Variants in CMC1 observed in about 807,000 individuals in gnomAD.
CMC1 encodes the protein COX assembly mitochondrial protein homolog.
A neutral mutation model predicts 14.1 loss-of-function variants in CMC1; 14 were observed. The observed-to-expected ratio is 0.99, with a 90% CI of 0.66 to 1.55. The LOEUF is 1.55. Among genes scored for constraint, CMC1 ranks in the 40% most tolerant of loss-of-function variants. CMC1 has a pLI of 0.00. For synonymous variants in CMC1, 50 were observed against 38.4 expected (o/e 1.30, Z -1.12); for missense variants, 127 against 123.8 (o/e 1.03, Z -0.12).
At chr3:28,295,105 G>A (rs1222253346) in intron 2 of CMC1, among the ~76,000 whole-genome samples, 5 of 152,006 alleles carry the variant, frequency 3.3e-5, no homozygotes, top group Admixed American at 3.3e-4. Context: ...TCATTTTAAC[G>A]TGAGCTCGTT....
chr3:28,247,304 G>T (rs867795818), intron 1 of CMC1, among the ~76,000 whole-genome samples: 1 of 151,780 alleles, frequency 6.6e-6, no homozygotes, highest in African/African-American at 2.4e-5. Context: ...TTTATTAATA[G>T]ATTGCCTTTA....
chr3:28,262,907 C>T (rs1362850465), intron 1 of CMC1, among the ~76,000 whole-genome samples: 1 of 152,186 alleles, frequency 6.6e-6, no homozygotes, highest in East Asian at 1.9e-4. Flanking sequence ...TTGTGTGTCT[C>T]TTAATCTTGT....
intron 2 of CMC1, among the ~76,000 whole-genome samples, chr3:28,274,220 C>CTTTTCT (rs1553615941): frequency 8.9e-6 from 1 of 112,326 alleles, no homozygotes; most frequent in African/African-American, 3.3e-5. Context: ...TTGTTTTTTT[C>CTTTTCT]TTTTTTTTTT....
intron 2 of CMC1, among the ~76,000 whole-genome samples, chr3:28,279,887 C>T (rs187035992): frequency 1.3e-4 from 20 of 152,302 alleles, no homozygotes; most frequent in African/African-American, 4.3e-4. Context: ...TCACAAAACA[C>T]ACATCTGCCC....
intron 2 of CMC1, among the ~76,000 whole-genome samples, chr3:28,300,896 A>C: frequency 6.6e-6 from 1 of 150,614 alleles, no homozygotes; most frequent in African/African-American, 2.4e-5. Context: ...TTTCATAGCC[A>C]TTATGTACTT....
intron 2 of CMC1, among the ~76,000 whole-genome samples, chr3:28,275,759 C>T (rs1418657734): frequency 2.6e-5 from 4 of 152,118 alleles, no homozygotes; most frequent in Admixed American, 2.6e-4. Context: ...CGCCCTTGCC[C>T]CCAGGGTCTC....
chr3:28,271,294 T>A (rs186392186), intron 2 of CMC1, among the ~76,000 whole-genome samples: 1 of 152,178 alleles, frequency 6.6e-6, no homozygotes, highest in Non-Finnish European at 1.5e-5. Context: ...GGGATGGTGT[T>A]TCACCATATT....
intron 2 of CMC1, among the ~76,000 whole-genome samples, chr3:28,286,028 G>A (rs561568953): frequency 6.6e-6 from 1 of 152,160 alleles, no homozygotes; most frequent in African/African-American, 2.4e-5. Flanking sequence ...GCCTCCCAAA[G>A]TGCTGGGATT....
At chr3:28,286,521 A>G (rs1342111987) in intron 2 of CMC1, among the ~76,000 whole-genome samples, 3 of 152,196 alleles carry the variant, frequency 2.0e-5, no homozygotes, top group Non-Finnish European at 2.9e-5. Context: ...GAGAGTGTTA[A>G]TATTCACATA....
In CMC1 at chr3:28,261,316, C is replaced by T. The variant is rs542305927; in HGVS notation, c.20-1975C>T. 3.3e-5 allele frequency among the ~76,000 whole-genome samples: 5 copies of T among 152,136 alleles called. No individual in the cohort carries two copies. The East Asian group carries it at 7.7e-4, about 24-fold the overall frequency. ...GTTACCAAGAATAGAATCTGATTTC[C>T]TTCCACCTGAGTGTGGGCTATCCTT... On this transcript the variant is annotated intron_variant, in intron 1 of 3. Transcript: ENST00000466830.
rs558641415 is a variant in CMC1 at position 28,316,445 on chromosome 3, T to G, written c.200+22T>G. On this transcript the variant is annotated intron_variant, in intron 3 of 3. Coordinates refer to ENST00000466830, the MANE Select transcript of CMC1 (RefSeq NM_182523.2). The stretch of plus-strand genomic sequence containing the variant: ...CTTAGTAAGTAGTTGTCTCAGCGTT[T>G]GTGCTTGTATGTGTATTTGTGGTAG... The G allele has an allele frequency of 5.0e-5, 66 of 1,313,566 alleles. No homozygotes were observed. In the South Asian group the frequency reaches 7.7e-4, roughly 15 times the overall value. 81.4% of individuals were successfully genotyped at this position (1,313,566 alleles called of 1,614,324 possible). A position where few individuals can be genotyped will look rare whatever the true frequency, so the allele number is the denominator to read the frequency against.
At chr3:28,259,432 G>A (rs1443008722) in intron 1 of CMC1, among the ~76,000 whole-genome samples, 1 of 152,120 alleles carries the variant, frequency 6.6e-6, no homozygotes, top group Non-Finnish European at 1.5e-5. Flanking sequence ...TCAAAAAAGG[G>A]TCCTTTTAGG....
At chr3:28,312,727 A>G (rs898043592) in intron 2 of CMC1, among the ~76,000 whole-genome samples, 1 of 152,236 alleles carries the variant, frequency 6.6e-6, no homozygotes, top group Non-Finnish European at 1.5e-5. Context: ...TTAATTATAT[A>G]GACTACTTGT....
At chr3:28,313,273 T>C (rs1173653430) in intron 2 of CMC1, among the ~76,000 whole-genome samples, 3 of 152,220 alleles carry the variant, frequency 2.0e-5, no homozygotes, top group Non-Finnish European at 4.4e-5. Flanking sequence ...GAAAAAAATA[T>C]ACTGAGTGCT....
intron 2 of CMC1, among the ~76,000 whole-genome samples, chr3:28,268,318 A>C (rs1700107901): frequency 6.6e-6 from 1 of 152,238 alleles, no homozygotes; most frequent in Admixed American, 6.5e-5. Flanking sequence ...GTTCAGAAGA[A>C]ACCGTGGCAC....
chr3:28,304,066 G>C (rs1702185854), intron 2 of CMC1, among the ~76,000 whole-genome samples: 1 of 151,986 alleles, frequency 6.6e-6, no homozygotes, highest in Non-Finnish European at 1.5e-5. Flanking sequence ...AACTAAAAAT[G>C]TCTTTAGCTA....
At chr3:28,314,106 T>C (rs895833504) in intron 2 of CMC1, among the ~76,000 whole-genome samples, 2 of 152,222 alleles carry the variant, frequency 1.3e-5, no homozygotes. Context: ...TTAGCTAGCT[T>C]TAGCTAATTC....
At chr3:28,243,476 A>C (rs1481505098) in intron 1 of CMC1, among the ~76,000 whole-genome samples, 1 of 152,212 alleles carries the variant, frequency 6.6e-6, no homozygotes, top group Non-Finnish European at 1.5e-5. Context: ...TAGACAAGGA[A>C]ATTTGGGAAA....
At chr3:28,289,719 T>A (rs1701371574) in intron 2 of CMC1, among the ~76,000 whole-genome samples, 1 of 152,108 alleles carries the variant, frequency 6.6e-6, no homozygotes, top group Admixed American at 6.6e-5. Flanking sequence ...CTTCAGGCTT[T>A]CAGTATTTAC....
Sources: allele counts gnomAD v4.1 joint callset (sites outside exome capture counted in the v4.1 genomes callset), GRCh38; gene constraint gnomAD v4.1.1; transcripts MANE v1.5; gene names NCBI Gene and HGNC (gene_info 2026-07-23, HGNC 2026-07-21).